The following ZNF536 variants were observed in gnomAD, a reference collection of about 807,000 sequenced individuals.
ZNF536 encodes the protein zinc finger protein 536.
A neutral mutation model predicts 84.5 loss-of-function variants in ZNF536; 13 were observed. The ratio of observed to expected loss-of-function variants is 0.15; its 90% confidence interval spans 0.10 to 0.24. ZNF536 has a LOEUF of 0.24. Among genes scored for constraint, ZNF536 ranks in the 10% least tolerant of loss-of-function variants. The pLI is 1.00. For missense variants in ZNF536, 1,536 were observed against 1,747.5 expected, an observed-to-expected ratio of 0.88 and a Z score of 2.16; for synonymous variants, 811 against 742.5, an observed-to-expected ratio of 1.09 and a Z score of -1.50.
At chr19:30,686,736 G>T (rs974403547) in intron 1 of ZNF536, among the ~76,000 whole-genome samples, 2 of 152,246 alleles carry the variant, frequency 1.3e-5, no homozygotes, top group East Asian at 1.9e-4. Flanking sequence ...AGCCTTCAGC[G>T]TCGCACACTC....
chr19:30,691,594 C>T (rs986728631), intron 1 of ZNF536, among the ~76,000 whole-genome samples: 2 of 152,176 alleles, frequency 1.3e-5, no homozygotes, highest in African/African-American at 2.4e-5. Flanking sequence ...TGGTGCATTG[C>T]GTTTTATCGC....
chr19:30,293,441 G>GGAA (rs1285841320), intron 2 of ZNF536, among the ~76,000 whole-genome samples: 1 of 152,210 alleles, frequency 6.6e-6, no homozygotes, highest in Non-Finnish European at 1.5e-5. Context: ...GGGGGCTGCA[G>GGAA]GAAATGGCTG....
chr19:30,520,739 T>C (rs534822564), intron 2 of ZNF536, among the ~76,000 whole-genome samples: 1 of 152,152 alleles, frequency 6.6e-6, no homozygotes, highest in Non-Finnish European at 1.5e-5. Context: ...TTTGCTGTTT[T>C]ATGCTGGTTT....
intron 2 of ZNF536, among the ~76,000 whole-genome samples, chr19:30,529,236 T>C (rs1274794393): frequency 1.3e-5 from 2 of 152,202 alleles, no homozygotes; most frequent in Non-Finnish European, 2.9e-5. Context: ...AGTTTTAATA[T>C]CCCAAACATA....
Position 30,425,942 on chromosome 19 carries a change from A to C in ZNF536, c.-2-17619A>C, listed in dbSNP as rs2147911472. Among the ~76,000 whole-genome samples the C allele has an allele frequency of 2.0e-5, 3 of 152,268 alleles. 1 individual carries two copies. The South Asian group carries it at 6.2e-4, about 32-fold the overall frequency. ...AGTCTGGACCTGATTAATAGGTGTG[A>C]GCGAGAGTGCAGGAAGTCCCAGACC... On this transcript the variant is annotated intron_variant, in intron 1 of 4. Coordinates refer to ENST00000355537, the MANE Select transcript of ZNF536 (RefSeq NM_014717.3).
intron 1 of ZNF536, among the ~76,000 whole-genome samples, chr19:30,610,351 T>C (rs910852646): frequency 3.9e-5 from 6 of 152,192 alleles, no homozygotes; most frequent in Admixed American, 3.3e-4. Context: ...CTGGGAGAGC[T>C]GATACTTCTT....
intron 2 of ZNF536, among the ~76,000 whole-genome samples, chr19:30,478,540 CCCCAG>C (rs528603226): frequency 3.7e-4 from 57 of 152,280 alleles, no homozygotes; most frequent in African/African-American, 1.4e-3. Flanking sequence ...ACTGCTGGAT[CCCCAG>C]CCAAGTCTGA....
exon 2 of ZNF536, chr19:30,712,644 G>A (rs889809077): frequency 1.3e-5 from 2 of 152,258 alleles, no homozygotes; most frequent in Admixed American, 6.5e-5. Context: ...TCATCTAACC[G>A]AGGTTTCAGT....
At chr19:30,417,684 C>A (rs1049245474) in intron 1 of ZNF536, among the ~76,000 whole-genome samples, 1 of 152,158 alleles carries the variant, frequency 6.6e-6, no homozygotes, top group Non-Finnish European at 1.5e-5. Context: ...GATGGGGCAT[C>A]TTTGCATCTT....
chr19:30,598,372 A>G (rs2047541023), intron 1 of ZNF536, among the ~76,000 whole-genome samples: 1 of 151,994 alleles, frequency 6.6e-6, no homozygotes, highest in South Asian at 2.1e-4. Context: ...GTCTGCATCT[A>G]GGGAGAGTCT....
At chr19:30,589,802 C>T (rs1398450578) in intron 1 of ZNF536, among the ~76,000 whole-genome samples, 1 of 152,136 alleles carries the variant, frequency 6.6e-6, no homozygotes, top group African/African-American at 2.4e-5. Context: ...GGAATTAACC[C>T]TCTGGCACTT....
chr19:30,682,550 C>T (rs1213843102), intron 1 of ZNF536, among the ~76,000 whole-genome samples: 1 of 152,126 alleles, frequency 6.6e-6, no homozygotes, highest in Non-Finnish European at 1.5e-5. Flanking sequence ...GGGTGCCTTC[C>T]CCACCTCCAT....
At chr19:30,266,371 C>T (rs931664304) in intron 1 of ZNF536, among the ~76,000 whole-genome samples, 6 of 152,126 alleles carry the variant, frequency 3.9e-5, no homozygotes, top group African/African-American at 1.4e-4. Flanking sequence ...ATCTCCATCC[C>T]CATCACGGTC....
intron 1 of ZNF536, among the ~76,000 whole-genome samples, chr19:30,233,887 A>T (rs1485579570): frequency 6.6e-6 from 1 of 152,116 alleles, no homozygotes; most frequent in Non-Finnish European, 1.5e-5. Flanking sequence ...CTGGGGCCAG[A>T]TTTACAGCAG....
intron 1 of ZNF536, among the ~76,000 whole-genome samples, chr19:30,622,997 T>A (rs1441233691): frequency 6.6e-6 from 1 of 151,260 alleles, no homozygotes; most frequent in Non-Finnish European, 1.5e-5. Context: ...GTCCTTCTGG[T>A]TTTTTCCAGC....
chr19:30,572,824 A>T (rs2046599027), intron 1 of ZNF536, among the ~76,000 whole-genome samples: 1 of 152,192 alleles, frequency 6.6e-6, no homozygotes, highest in Admixed American at 6.5e-5. Flanking sequence ...TCTTTGTTGA[A>T]GGGGGACATT....
intron 2 of ZNF536, among the ~76,000 whole-genome samples, chr19:30,316,544 G>C (rs527441567): frequency 6.6e-6 from 1 of 152,260 alleles, no homozygotes; most frequent in East Asian, 1.9e-4. Flanking sequence ...GGCTGCTGTA[G>C]AGCAAGGGAA....
At chr19:30,688,062 A>T (rs1288635431) in intron 1 of ZNF536, among the ~76,000 whole-genome samples, 2 of 150,158 alleles carry the variant, frequency 1.3e-5, no homozygotes, top group African/African-American at 4.9e-5. Flanking sequence ...ACCAAGCCTG[A>T]GTTTCAAATT....
At position 30,229,578 on chromosome 19, in the gene ZNF536, G is replaced by A. The variant is rs557766742; in HGVS notation, c.-190+905G>A. Among the ~76,000 whole-genome samples, 15 of 152,196 alleles carry A rather than the reference G, an allele frequency of 9.9e-5. No homozygotes were observed. In the East Asian group the frequency reaches 1.4e-3, roughly 14 times the overall value. ...GAAAGCTGCTGCGGGTGGTGGGGGGGGCTCAGCTTTCAGTCCAGGGAGTCG... is the reference window on the plus strand; with the variant it reads ...GAAAGCTGCTGCGGGTGGTGGGGGGAGCTCAGCTTTCAGTCCAGGGAGTCG... On this transcript the variant is annotated intron_variant, in intron 1 of 5. Transcript: ENST00000585628.
Sources: allele counts gnomAD v4.1 joint callset (sites outside exome capture counted in the v4.1 genomes callset), GRCh38; gene constraint gnomAD v4.1.1; transcripts MANE v1.5; gene names NCBI Gene and HGNC (gene_info 2026-07-23, HGNC 2026-07-21).